Variants in GSTO1 observed in about 807,000 individuals in gnomAD.
The protein encoded by GSTO1 is glutathione S-transferase omega-1.
Under a neutral mutation model 23.8 loss-of-function variants are expected in GSTO1, and 27 were observed. The ratio of observed to expected loss-of-function variants is 1.13; its 90% CI spans 0.83 to 1.56. The LOEUF is 1.56. GSTO1 is among the 40% of genes most tolerant of loss of function. The probability of loss-of-function intolerance (pLI) is 0.00; values close to 1 mark genes in which losing one functional copy is unlikely to be tolerated. For missense variants in GSTO1, 255 were observed against 285.8 expected, an observed-to-expected ratio of 0.89 and a Z score of 0.78; for synonymous variants, 105 against 109.3, an observed-to-expected ratio of 0.96 and a Z score of 0.25.
chr10:104,258,256 T>C (rs2011110538), intron 2 of GSTO1, among the ~76,000 whole-genome samples: 1 of 152,100 alleles, frequency 6.6e-6, no homozygotes, highest in Admixed American at 6.6e-5. Flanking sequence ...TGGAAACACA[T>C]TTGGCAAATT....
chr10:104,255,007 C>G (rs747260046), intron 1 of GSTO1, 45 bp downstream of exon 1: 1 of 837,594 alleles, frequency 1.2e-6, no homozygotes, highest in South Asian at 1.7e-5. Flanking sequence ...CGGCGACCCC[C>G]GGCGGCATGT....
intron 2 of GSTO1, among the ~76,000 whole-genome samples, chr10:104,257,752 G>T (rs2011108142): frequency 6.6e-6 from 1 of 152,090 alleles, no homozygotes; most frequent in South Asian, 2.1e-4. Flanking sequence ...AGTGGATAGT[G>T]GACACAATTC....
intron 4 of GSTO1, among the ~76,000 whole-genome samples, chr10:104,264,022 G>C (rs909820837): frequency 6.6e-6 from 1 of 151,704 alleles, no homozygotes; most frequent in African/African-American, 2.4e-5. Flanking sequence ...AATGATTTTT[G>C]TATGTGTGTT....
intron 4 of GSTO1, among the ~76,000 whole-genome samples, chr10:104,265,465 A>G (rs2011171392): frequency 6.8e-6 from 1 of 146,886 alleles, no homozygotes. Context: ...GTGAACATTC[A>G]CATAACATAT....
chr10:104,257,717 T>C (rs1469906363), intron 2 of GSTO1, among the ~76,000 whole-genome samples: 1 of 152,162 alleles, frequency 6.6e-6, no homozygotes, highest in Admixed American at 6.5e-5. Context: ...GCAAAATAAA[T>C]TGAATTTTAT....
rs1589844928 is a variant in GSTO1, at chr10:104,259,910, T to C, written c.366+112T>C. The C allele has an allele frequency of 1.9e-5, 13 of 698,124 alleles. No individual in the cohort carries two copies. The East Asian group carries it at 3.3e-4, about 18-fold the overall frequency. 43.2% of individuals were successfully genotyped at this position (698,124 alleles called of 1,614,324 possible). On this transcript the variant is annotated intron_variant, in intron 3 of 5. Coordinates refer to ENST00000369713, the MANE Select transcript of GSTO1 (RefSeq NM_004832.3). ...GGGAGAGAAAAACAAAACAGGAATATGCTTGTCAGCTCTGAGTGTCCTGCA... is the reference window on the plus strand; with the variant it reads ...GGGAGAGAAAAACAAAACAGGAATACGCTTGTCAGCTCTGAGTGTCCTGCA...
In GSTO1 at chr10:104,254,930, T is replaced by TGTCCG. The variant is rs1387528981; in HGVS notation, c.4_8dup (p.Glu4_?3). The TGTCCG allele has an allele frequency of 1.2e-6, 2 of 1,611,460 alleles. No individual in the cohort carries two copies. Among genetic ancestry groups the TGTCCG allele is most frequent in the Non-Finnish European group, 1.7e-6 (2 of 1,179,332 alleles). Reference sequence around the variant, plus strand: ...GAGCTCGGCCTGCGCTGCGCCACGATGTCCGGGGAGTCAGCCAGGAGCTTG... The same window carrying TGTCCG: ...GAGCTCGGCCTGCGCTGCGCCACGATGTCCGGTCCGGGGAGTCAGCCAGGAGCTTG... On this transcript the variant is annotated frameshift_variant and start_lost, in exon 1 of 6. Transcript: ENST00000369713. LOFTEE classifies it high-confidence loss of function.
chr10:104,255,136 G>A, intron 1 of GSTO1, 27 bp from the exon 2 acceptor site: 1 of 1,573,320 alleles, frequency 6.4e-7, no homozygotes, highest in Non-Finnish European at 8.7e-7. Context: ...TCTCTGGGCC[G>A]TAATCGCCTT....
At chr10:104,255,343 T>A in intron 2 of GSTO1, 72 bp downstream of exon 2, 1 of 960,540 alleles carries the variant, frequency 1.0e-6, no homozygotes, top group Non-Finnish European at 1.7e-6. Context: ...TGGGGTGGGG[T>A]CTCAGCCCCC....
chr10:104,261,108 G>A (rs1235121981), intron 3 of GSTO1, among the ~76,000 whole-genome samples: 1 of 152,200 alleles, frequency 6.6e-6, no homozygotes, highest in East Asian at 1.9e-4. Context: ...GTCAGGAGAA[G>A]AGATAAAAGG....
intron 4 of GSTO1, among the ~76,000 whole-genome samples, chr10:104,264,657 A>G (rs771993014): frequency 1.3e-5 from 2 of 152,198 alleles, no homozygotes; most frequent in Admixed American, 6.5e-5. Flanking sequence ...TGCACTTACA[A>G]TGGGGTTACA....
At chr10:104,254,559 G>C (rs1453171016), upstream of GSTO1, 2 of 369,746 alleles carry the variant, frequency 5.4e-6, no homozygotes, top group African/African-American at 4.4e-5. Context: ...GGGACGGAGC[G>C]GGTGGTGCTT....
intron 4 of GSTO1, among the ~76,000 whole-genome samples, chr10:104,264,257 G>A (rs1435302376): frequency 6.6e-6 from 1 of 151,978 alleles, no homozygotes; most frequent in Non-Finnish European, 1.5e-5. Flanking sequence ...ATGGTAATTG[G>A]TTTTTTGGTT....
rs916481322 is a variant in GSTO1 at position 104,266,334 on chromosome 10, A to T, written c.572+144A>T. On this transcript the variant is annotated intron_variant, in intron 5 of 5. Transcript: ENST00000369713. Reference sequence around the variant, plus strand: ...AGACAGGGGAATCTTGGACTATCCCAGGCATGTCATATACCTACACTAACT... The same window carrying T: ...AGACAGGGGAATCTTGGACTATCCCTGGCATGTCATATACCTACACTAACT... 1.9e-5 allele frequency: 11 copies of T among 566,226 alleles called. No individual in the cohort carries two copies. The Admixed American group carries it at 3.1e-4, about 16-fold the overall frequency. The allele number at this position is 566,226 out of a possible 1,614,324, so 35.1% of individuals were successfully genotyped here. A position where few individuals can be genotyped will look rare whatever the true frequency, so the allele number is the denominator to read the frequency against.
intron 2 of GSTO1, among the ~76,000 whole-genome samples, chr10:104,259,253 T>C (rs1260803874): frequency 1.3e-5 from 2 of 152,150 alleles, no homozygotes; most frequent in Non-Finnish European, 2.9e-5. Context: ...CATCAGCAGA[T>C]GAATGGATAA....
chr10:104,262,987 CT>C lies in GSTO1; in HGVS notation c.377del (p.Leu126TrpfsTer2), dbSNP rs767639530. On this transcript the variant is annotated frameshift_variant, in exon 4 of 6. Transcript: ENST00000369713. LOFTEE classifies it high-confidence loss of function. The part of the protein sequence containing the change: ...ILELFSKVPS[L>X]VGSFIRSQNK... ...AATTATTCTCTGTCTAGGTGCCATC[CT>C]TGGTAGGAAGCTTTATTAGAAGCCA... 1.4e-6 allele frequency: 2 copies of C among 1,443,032 alleles called. No homozygotes were observed. Among genetic ancestry groups the C allele is most frequent in the Non-Finnish European group, 1.9e-6 (2 of 1,029,378 alleles). The allele number at this position is 1,443,032 out of a possible 1,614,324, so 89.4% of individuals were successfully genotyped here.
At chr10:104,266,731 CA>C (rs34936106) in intron 5 of GSTO1, among the ~76,000 whole-genome samples, 22,999 of 135,408 alleles carry the variant, frequency 0.17, 3,314 homozygotes, top group African/African-American at 0.4. Context: ...GACACTTCAT[CA>C]AAAAAAAAAA....
rs1376725101 is a variant in GSTO1, at chr10:104,255,171, C to T, written c.43C>T (p.Pro15Ser). The T allele has an allele frequency of 1.9e-6, 3 of 1,611,900 alleles. No individual in the cohort carries two copies. The Admixed American group carries it at 5.0e-5, about 27-fold the overall frequency. Reference sequence around the variant, plus strand: ...TCGCTTCTCCCCGGCAGGAAGCGCGCCCCCGGGGCCGGTCCCGGAGGGCTC... The same window carrying T: ...TCGCTTCTCCCCGGCAGGAAGCGCGTCCCCGGGGCCGGTCCCGGAGGGCTC... The part of the protein sequence containing the change: ...SARSLGKGSA[P>S]PGPVPEGSIR... The change falls in exon 2 of 6, where the codon CCC becomes TCC. Residue 15 changes from proline (P) to serine (S), a missense_variant. Pro to Ser is a moderately conservative substitution (Grantham distance 74). Coordinates refer to ENST00000369713, the MANE Select transcript of GSTO1 (RefSeq NM_004832.3).
Position 104,262,900 on chromosome 10 carries a change from G to A in GSTO1, c.367-79G>A, listed in dbSNP as rs1411246289. 5.9e-6 allele frequency: 4 copies of A among 680,006 alleles called. No homozygotes were observed. The African/African-American group carries it at 7.2e-5, about 12-fold the overall frequency. 42.1% of individuals were successfully genotyped at this position (680,006 alleles called of 1,614,324 possible). On this transcript the variant is annotated intron_variant, in intron 3 of 5. Transcript: ENST00000369713. ...AACACCTTGACACCAGGACTGTAAGGGTTCTACCATATTTTTATGTGAGGG... is the reference window on the plus strand; with the variant it reads ...AACACCTTGACACCAGGACTGTAAGAGTTCTACCATATTTTTATGTGAGGG...
Sources: gnomAD v4.1 joint callset for allele counts (sites outside exome capture counted in the v4.1 genomes callset) on GRCh38, gnomAD v4.1.1 for gene constraint, MANE v1.5 for transcripts, NCBI Gene and HGNC (gene_info 2026-07-23, HGNC 2026-07-21) for gene names.